The following TAOK1 variants were observed in gnomAD, a reference collection of about 807,000 sequenced individuals.
TAOK1 encodes the protein TAO kinase 1, also known as serine/threonine-protein kinase TAO1.
In TAOK1, 21 loss-of-function variants were observed where a neutral mutation model predicts 138.3. The ratio of observed to expected loss-of-function variants is 0.15; its 90% confidence interval spans 0.11 to 0.22. The LOEUF (loss-of-function observed/expected upper bound fraction) is 0.22. TAOK1 is among the 10% of genes least tolerant of loss of function. The probability of loss-of-function intolerance (pLI) is 1.00; values close to 1 mark genes in which losing one functional copy is unlikely to be tolerated. For synonymous variants in TAOK1, 361 were observed against 398.4 expected (o/e 0.91, Z 1.12); for missense variants, 651 against 1,227.7 (o/e 0.53, Z 7.02).
intron 1 of TAOK1, among the ~76,000 whole-genome samples, chr17:29,401,547 A>G (rs911887595): frequency 3.3e-5 from 5 of 152,096 alleles, no homozygotes; most frequent in Non-Finnish European, 7.4e-5. Flanking sequence ...GGGGAAATCC[A>G]CCCCAATGAT....
At chr17:29,402,751 G>C (rs1904885225) in intron 1 of TAOK1, among the ~76,000 whole-genome samples, 1 of 151,954 alleles carries the variant, frequency 6.6e-6, no homozygotes, top group South Asian at 2.1e-4. Flanking sequence ...TTTTAAAAAT[G>C]CCAGGCCAGA....
At chr17:29,436,790 A>G (rs1244098963) in intron 1 of TAOK1, among the ~76,000 whole-genome samples, 1 of 152,186 alleles carries the variant, frequency 6.6e-6, no homozygotes, top group Non-Finnish European at 1.5e-5. Flanking sequence ...AAGAAGATTA[A>G]ACACCATTTT....
Position 29,467,178 on chromosome 17 carries a change from A to G in TAOK1, c.166A>G (p.Ile56Val), listed in dbSNP as rs1567726409. Residue 56 changes from isoleucine to valine, a missense_variant, in exon 3 of 20, where the codon ATC becomes GTC. Physicochemically the swap from Ile to Val is conservative, Grantham distance 29 (BLOSUM62 3). This residue lies in a region of TAOK1 where 116 missense variants were observed against 213.9 expected (regional missense o/e 0.54). Coordinates refer to ENST00000261716, the MANE Select transcript of TAOK1 (RefSeq NM_020791.4). ...TGTGCGTACCAATGAAGTGGTGGCC[A>G]TCAAGAAAATGTCTTATAGTGGAAA... ...RDVRTNEVVA[I>V]KKMSYSGKQS... 1 of 1,606,148 alleles carries G rather than the reference A, an allele frequency of 6.2e-7. No individual in the cohort carries two copies. Among genetic ancestry groups the G allele is most frequent in the Non-Finnish European group, 8.5e-7 (1 of 1,175,072 alleles).
rs1011358366 is a variant in TAOK1 at position 29,390,995 on chromosome 17, C to T, written c.-124C>T. The T allele has an allele frequency of 3.9e-5, 6 of 152,496 alleles. No homozygotes were observed. The highest frequency in any genetic ancestry group is 1.2e-4 in the African/African-American group (5 of 41,448). The allele number at this position is 152,496 out of a possible 1,614,324, so 9.4% of individuals were successfully genotyped here. On this transcript the variant is annotated 5_prime_UTR_variant, in exon 1 of 20. Transcript: ENST00000261716. ...GAGCGCTGCAGGGGGCTGCGCCTGC[C>T]TGCTCCGCCCCAGACCTGTCGGCGA...
At chr17:29,530,824 C>G in intron 18 of TAOK1, 1 of 588,962 alleles carries the variant, frequency 1.7e-6, no homozygotes, top group Non-Finnish European at 3.0e-6. Context: ...TACATTTAGA[C>G]ATGAGGTTCT....
intron 2 of TAOK1, among the ~76,000 whole-genome samples, chr17:29,452,105 A>G (rs1274004482): frequency 6.6e-6 from 1 of 152,082 alleles, no homozygotes; most frequent in East Asian, 1.9e-4. Context: ...AGTTCCAGGT[A>G]CTCAGGAGGC....
chr17:29,545,658 G>C lies in TAOK1; in HGVS notation c.*2636G>C, dbSNP rs1383937093. Reference sequence around the variant, plus strand: ...TTAATTGGTTTGTATATGTTTGTGAGATCTAGCTTCTGAGGAATCTCATAC... The same window carrying C: ...TTAATTGGTTTGTATATGTTTGTGACATCTAGCTTCTGAGGAATCTCATAC... On this transcript the variant is annotated 3_prime_UTR_variant, in exon 20 of 20. Coordinates refer to ENST00000261716, the MANE Select transcript of TAOK1 (RefSeq NM_020791.4). 6.6e-6 allele frequency: 1 copy of C among 152,170 alleles called. No individual in the cohort carries two copies. The highest frequency in any genetic ancestry group is 1.5e-5 in the Non-Finnish European group (1 of 68,020). The allele number at this position is 152,170 out of a possible 1,614,324, so 9.4% of individuals were successfully genotyped here.
chr17:29,412,727 AG>A (rs1321731571), intron 1 of TAOK1, among the ~76,000 whole-genome samples: 1 of 152,208 alleles, frequency 6.6e-6, no homozygotes, highest in African/African-American at 2.4e-5. Flanking sequence ...AGCAGCTAGC[AG>A]TTATAATAGA....
chr17:29,459,274 G>A (rs186273330), intron 2 of TAOK1, among the ~76,000 whole-genome samples: 2 of 152,068 alleles, frequency 1.3e-5, no homozygotes, highest in Admixed American at 1.3e-4. Context: ...AAGGATTGTA[G>A]TCTCTAAAGT....
In TAOK1 at chr17:29,455,441, CTTTTCAACTT is replaced by C. The variant is rs2030351294; in HGVS notation, c.132+3762_132+3771del. ...CAAATGGAGATGGTTTTACTTCTTT[CTTTTCAACTT>C]GAATGGCTTTCGTTTTTCCTGTCTT... On this transcript the variant is annotated intron_variant, in intron 2 of 19. Transcript: ENST00000261716. 4.0e-5 allele frequency among the ~76,000 whole-genome samples: 6 copies of C among 150,398 alleles called. 1 individual carries two copies. The highest frequency in any genetic ancestry group is 1.5e-4 in the African/African-American group (6 of 39,748).
At position 29,451,686 on chromosome 17, in the gene TAOK1, T is replaced by C; in HGVS notation, c.132+6T>C. On this transcript the variant is annotated splice_donor_region_variant and intron_variant, in intron 2 of 19. Transcript: ENST00000261716. Reference sequence around the variant, plus strand: ...GCTTTGGAGCAGTGTATTTTGTAAGTGTTAGTGGCTTGATGTCAGTGACTA... The same window carrying C: ...GCTTTGGAGCAGTGTATTTTGTAAGCGTTAGTGGCTTGATGTCAGTGACTA... 6.2e-7 allele frequency: 1 copy of C among 1,609,630 alleles called. No homozygotes were observed. The highest frequency in any genetic ancestry group is 8.5e-7 in the Non-Finnish European group (1 of 1,178,486).
chr17:29,408,941 G>A (rs996819584), intron 1 of TAOK1, among the ~76,000 whole-genome samples: 2 of 151,964 alleles, frequency 1.3e-5, no homozygotes. Flanking sequence ...TCGAACTCCT[G>A]AACTCAGGCA....
intron 4 of TAOK1, among the ~76,000 whole-genome samples, chr17:29,477,393 A>G (rs879655544): frequency 6.6e-6 from 1 of 151,568 alleles, no homozygotes; most frequent in African/African-American, 2.4e-5. Flanking sequence ...AAGTGATTAT[A>G]TGTTGGCATT....
chr17:29,433,576 G>A (rs1048448292), intron 1 of TAOK1, among the ~76,000 whole-genome samples: 3 of 152,124 alleles, frequency 2.0e-5, no homozygotes, highest in African/African-American at 4.8e-5. Context: ...TAAAGGGTGA[G>A]TAAAGCAGAG....
chr17:29,545,208 G>A lies in TAOK1; in HGVS notation c.*2186G>A, dbSNP rs763945690. On this transcript the variant is annotated 3_prime_UTR_variant, in exon 20 of 20. Coordinates refer to ENST00000261716, the MANE Select transcript of TAOK1 (RefSeq NM_020791.4). ...ATATCAGTGAAAGGGGCTTTTAGTC[G>A]TCTCAGTATCTTTTTTGCATTCAGG... 5.3e-5 allele frequency: 8 copies of A among 152,070 alleles called. No individual in the cohort carries two copies. Among genetic ancestry groups the A allele is most frequent in the African/African-American group, 7.2e-5 (3 of 41,416 alleles). 9.4% of individuals were successfully genotyped at this position (152,070 alleles called of 1,614,324 possible).
intron 2 of TAOK1, among the ~76,000 whole-genome samples, chr17:29,457,987 G>A (rs2030434106): frequency 6.6e-6 from 1 of 152,048 alleles, no homozygotes; most frequent in South Asian, 2.1e-4. Context: ...GCGGACGCCT[G>A]TAGTCCCAGC....
intron 1 of TAOK1, among the ~76,000 whole-genome samples, chr17:29,435,982 T>C (rs1021229636): frequency 5.3e-5 from 8 of 151,904 alleles, no homozygotes; most frequent in African/African-American, 1.9e-4. Context: ...TACAAAAAAT[T>C]AGCTGGGCGT....
At chr17:29,399,824 G>A (rs748896329) in intron 1 of TAOK1, among the ~76,000 whole-genome samples, 203 of 151,954 alleles carry the variant, frequency 1.3e-3, no homozygotes, top group Non-Finnish European at 2.4e-3. Context: ...TCAATCTTCT[G>A]GACTTAGCGA....
At chr17:29,516,974 C>T (rs2031827767) in intron 15 of TAOK1, among the ~76,000 whole-genome samples, 1 of 151,880 alleles carries the variant, frequency 6.6e-6, no homozygotes, top group Non-Finnish European at 1.5e-5. Context: ...AGGCCCATGC[C>T]ACTGTACCCA....
Sources: gnomAD v4.1 joint callset for allele counts (sites outside exome capture counted in the v4.1 genomes callset) on GRCh38, gnomAD v4.1.1 for gene constraint, gnomAD v4.1.1 regional missense constraint, MANE v1.5 for transcripts, NCBI Gene and HGNC (gene_info 2026-07-23, HGNC 2026-07-21) for gene names.